The following MEGF10 variants were observed in gnomAD, a reference collection of about 807,000 sequenced individuals.
MEGF10 encodes the protein multiple EGF like domains 10, also known as multiple epidermal growth factor-like domains protein 10.
A neutral mutation model predicts 147.5 loss-of-function variants in MEGF10; 86 were observed. The ratio of observed to expected loss-of-function variants is 0.58; its 90% CI spans 0.49 to 0.70. The LOEUF (loss-of-function observed/expected upper bound fraction) is 0.70, where lower values mean the gene tolerates loss of function less well. Among genes scored for constraint, MEGF10 ranks in the 30% least tolerant of loss-of-function variants. MEGF10 has a pLI of 0.00. For missense variants in MEGF10, 1,329 were observed against 1,487.3 expected, an observed-to-expected ratio of 0.89 and a Z score of 1.75; for synonymous variants, 478 against 525.5, an observed-to-expected ratio of 0.91 and a Z score of 1.24.
the MEGF10 span, among the ~76,000 whole-genome samples, chr5:127,266,141 C>A: frequency 8.8e-3 from 1,330 of 151,944 alleles, 21 homozygotes; most frequent in African/African-American, 0.03. Flanking sequence ...CTACATATGG[C>A]TAGCCAGTTT....
At chr5:127,282,027 C>T in the MEGF10 span, among the ~76,000 whole-genome samples, 1 of 152,226 alleles carries the variant, frequency 6.6e-6, no homozygotes, top group East Asian at 1.9e-4. Context: ...TTTCCAATTC[C>T]TTTCCTCCTG....
chr5:127,347,519 C>T (rs1368189005), intron 4 of MEGF10, among the ~76,000 whole-genome samples: 1 of 151,906 alleles, frequency 6.6e-6, no homozygotes. Context: ...TGTATAGGAA[C>T]TATAGTTATG....
intron 4 of MEGF10, among the ~76,000 whole-genome samples, chr5:127,345,111 C>T (rs529441698): frequency 6.6e-6 from 1 of 152,330 alleles, no homozygotes; most frequent in South Asian, 2.1e-4. Flanking sequence ...GGACGAGGCT[C>T]TCATTTCATG....
the MEGF10 span, among the ~76,000 whole-genome samples, chr5:127,260,868 C>T: frequency 2.0e-5 from 3 of 152,180 alleles, no homozygotes; most frequent in Non-Finnish European, 4.4e-5. Flanking sequence ...GCTACTGCTC[C>T]TGCAGGACAC....
the MEGF10 span, among the ~76,000 whole-genome samples, chr5:127,250,380 T>C: frequency 6.6e-6 from 1 of 151,956 alleles, no homozygotes; most frequent in South Asian, 2.1e-4. Flanking sequence ...TATAATTTAC[T>C]ATATAAATAG....
upstream of MEGF10, among the ~76,000 whole-genome samples, chr5:127,287,383 T>G (rs539570852): frequency 6.6e-6 from 1 of 152,074 alleles, no homozygotes; most frequent in South Asian, 2.1e-4. Flanking sequence ...ATAAGTAAAT[T>G]TAGCCATGTT....
At chr5:127,372,612 T>C (rs1323415376) in intron 5 of MEGF10, among the ~76,000 whole-genome samples, 1 of 152,240 alleles carries the variant, frequency 6.6e-6, no homozygotes, top group African/African-American at 2.4e-5. Flanking sequence ...TTTCCTTGTT[T>C]TCATGACCTT....
the MEGF10 span, among the ~76,000 whole-genome samples, chr5:127,283,506 C>T: frequency 2.0e-5 from 3 of 152,190 alleles, no homozygotes; most frequent in Non-Finnish European, 2.9e-5. Context: ...AGGCATGCTG[C>T]CCCAATACAC....
chr5:127,333,855 C>T (rs1408697950), intron 2 of MEGF10, among the ~76,000 whole-genome samples: 1 of 152,072 alleles, frequency 6.6e-6, no homozygotes, highest in Non-Finnish European at 1.5e-5. Flanking sequence ...CCTAATAGAA[C>T]CCAACAACTG....
chr5:127,376,083 T>A (rs1055894304), intron 5 of MEGF10, among the ~76,000 whole-genome samples: 3 of 152,170 alleles, frequency 2.0e-5, no homozygotes, highest in Admixed American at 2.0e-4. Context: ...AGAGATTTTC[T>A]GAGTGGACAA....
At chr5:127,436,512 C>A (rs1765557551) in intron 16 of MEGF10, among the ~76,000 whole-genome samples, 2 of 152,168 alleles carry the variant, frequency 1.3e-5, no homozygotes, top group Non-Finnish European at 2.9e-5. Flanking sequence ...CTGTTTAAAT[C>A]TACATGTGTT....
chr5:127,324,522 C>G (rs921719457), intron 1 of MEGF10, among the ~76,000 whole-genome samples: 4 of 152,066 alleles, frequency 2.6e-5, no homozygotes, highest in East Asian at 1.9e-4. Flanking sequence ...GATTCTTTCT[C>G]TCATTGGTTT....
rs35926205 is a variant in MEGF10, at chr5:127,395,536, CTTTTTTTTTT to C, written c.413-979_413-970del. ...CAAACACAGATGTTTTGACTGATAT[CTTTTTTTTTT>C]TTTTTTTTTTTTTTTTGAGACGGAG... On this transcript the variant is annotated intron_variant, in intron 5 of 24. Coordinates refer to ENST00000503335, the MANE Select transcript of MEGF10 (RefSeq NM_001256545.2). Among the ~76,000 whole-genome samples the C allele has an allele frequency of 3.1e-3, 205 of 65,636 alleles. 1 individual carries two copies. The highest frequency in any genetic ancestry group is 0.012 in the African/African-American group (196 of 16,064). The allele number at this position is 65,636 out of a possible 152,430, so 43.1% of individuals were successfully genotyped here. A position where few individuals can be genotyped will look rare whatever the true frequency, so the allele number is the denominator to read the frequency against.
intron 5 of MEGF10, among the ~76,000 whole-genome samples, chr5:127,388,733 G>A (rs1008185672): frequency 2.0e-5 from 3 of 149,998 alleles, no homozygotes; most frequent in African/African-American, 7.5e-5. Flanking sequence ...TTTTAGTAGA[G>A]ACAGAGTTTC....
rs576810252 is a variant in MEGF10 at position 127,424,157 on chromosome 5, C to T, written c.1693+1385C>T. Among the ~76,000 whole-genome samples the T allele has an allele frequency of 3.3e-5, 5 of 152,242 alleles. No homozygotes were observed. In the East Asian group the frequency reaches 9.6e-4, roughly 29 times the overall value. The stretch of plus-strand genomic sequence containing the variant: ...TTTCCCCCACTGAATTGTCTTGATA[C>T]CCTTTTTAAAATTCAGCATTCCATA... On this transcript the variant is annotated intron_variant, in intron 13 of 24. Transcript: ENST00000503335.
intron 24 of MEGF10, among the ~76,000 whole-genome samples, 158 bp from the exon 25 acceptor site, chr5:127,456,970 C>T (rs1766382674): frequency 6.6e-6 from 1 of 152,164 alleles, no homozygotes; most frequent in Admixed American, 6.5e-5. Context: ...GAGTTGCCAC[C>T]TGTATGTGAT....
chr5:127,344,168 C>T (rs1189237939), intron 4 of MEGF10, among the ~76,000 whole-genome samples: 1 of 152,022 alleles, frequency 6.6e-6, no homozygotes, highest in Non-Finnish European at 1.5e-5. Context: ...ATGTAAAAAC[C>T]AGTGAGCTAG....
intron 13 of MEGF10, among the ~76,000 whole-genome samples, chr5:127,426,637 A>C (rs1765218656): frequency 6.6e-6 from 1 of 152,210 alleles, no homozygotes; most frequent in South Asian, 2.1e-4. Flanking sequence ...TTATACTGAA[A>C]TTTCAGATGT....
At chr5:127,243,633 G>T in the MEGF10 span, among the ~76,000 whole-genome samples, 2 of 152,148 alleles carry the variant, frequency 1.3e-5, no homozygotes, top group African/African-American at 4.8e-5. Flanking sequence ...ATTCTAGAAA[G>T]AAATAATCCA....
Sources: allele counts gnomAD v4.1 joint callset (sites outside exome capture counted in the v4.1 genomes callset), GRCh38; gene constraint gnomAD v4.1.1; transcripts MANE v1.5; gene names NCBI Gene and HGNC (gene_info 2026-07-23, HGNC 2026-07-21).